TTLL5: variants seen among roughly 807,000 people sequenced by gnomAD.
The protein encoded by TTLL5 is tubulin polyglutamylase TTLL5.
A neutral mutation model predicts 168.4 loss-of-function variants in TTLL5; 132 were observed. The observed-to-expected ratio is 0.78, with a 90% CI of 0.68 to 0.91. TTLL5 has a LOEUF of 0.91. Ranked by LOEUF, TTLL5 falls within the 40% of genes least tolerant of loss-of-function variation. TTLL5 has a pLI of 0.00. For synonymous variants in TTLL5, 546 were observed against 558.6 expected, an observed-to-expected ratio of 0.98 and a Z score of 0.32; for missense variants, 1,545 against 1,581.5, an observed-to-expected ratio of 0.98 and a Z score of 0.39.
At chr14:75,849,564 T>A (rs1369015942) in intron 28 of TTLL5, among the ~76,000 whole-genome samples, 1 of 152,172 alleles carries the variant, frequency 6.6e-6, no homozygotes, top group Non-Finnish European at 1.5e-5. Context: ...ATCTAATAGA[T>A]CAGCAAACCA....
chr14:75,872,155 C>T (rs2031088652), intron 29 of TTLL5, among the ~76,000 whole-genome samples: 1 of 152,222 alleles, frequency 6.6e-6, no homozygotes, highest in African/African-American at 2.4e-5. Context: ...TATACATACT[C>T]ACACTTTCAC....
Position 75,897,685 on chromosome 14 carries a change from A to C in TTLL5, c.3741-4457A>C, listed in dbSNP as rs1001027509. Among the ~76,000 whole-genome samples the C allele has an allele frequency of 3.3e-5, 5 of 152,076 alleles. 1 individual carries two copies. Among genetic ancestry groups the C allele is most frequent in the African/African-American group, 1.2e-4 (5 of 41,408 alleles). ...GAGATGGGGTTTCACCATGTTGGCC[A>C]GGCTGGTCTCAAACTCCTGACTTCA... On this transcript the variant is annotated intron_variant, in intron 30 of 31. Coordinates refer to ENST00000298832, the MANE Select transcript of TTLL5 (RefSeq NM_015072.5).
chr14:75,804,320 A>G (rs1038967190), intron 27 of TTLL5, among the ~76,000 whole-genome samples: 1 of 152,254 alleles, frequency 6.6e-6, no homozygotes, highest in African/African-American at 2.4e-5. Context: ...CTCTCTCTAT[A>G]CAAAGGAATT....
intron 23 of TTLL5, among the ~76,000 whole-genome samples, chr14:75,777,392 C>T (rs1686152987): frequency 6.6e-6 from 1 of 152,118 alleles, no homozygotes; most frequent in South Asian, 2.1e-4. Flanking sequence ...GCAATTTCTC[C>T]ACTCTGTGAG....
intron 18 of TTLL5, 44 bp downstream of exon 18, chr14:75,752,999 T>G (rs1890040071): frequency 1.3e-6 from 2 of 1,559,132 alleles, no homozygotes. Flanking sequence ...GATCACAAGA[T>G]TAACAGAAAG....
At chr14:75,889,961 A>T (rs968947483) in intron 30 of TTLL5, among the ~76,000 whole-genome samples, 2 of 152,054 alleles carry the variant, frequency 1.3e-5, no homozygotes, top group Non-Finnish European at 2.9e-5. Context: ...GGAGTCAAAG[A>T]TGTACTCAAA....
chr14:75,941,886 G>T (rs1315447394), intron 31 of TTLL5, among the ~76,000 whole-genome samples: 7 of 128,864 alleles, frequency 5.4e-5, no homozygotes, highest in Non-Finnish European at 1.6e-5. Flanking sequence ...GAAAAGCTAT[G>T]AGTCATAGGA....
intron 30 of TTLL5, among the ~76,000 whole-genome samples, chr14:75,901,776 G>A (rs529702035): frequency 6.6e-6 from 1 of 152,210 alleles, no homozygotes; most frequent in East Asian, 1.9e-4. Flanking sequence ...TATGATTTAG[G>A]TAAGTCAATG....
At chr14:75,880,470 C>A (rs1460582089) in intron 29 of TTLL5, among the ~76,000 whole-genome samples, 1 of 152,200 alleles carries the variant, frequency 6.6e-6, no homozygotes, top group East Asian at 1.9e-4. Flanking sequence ...CTCTACTACT[C>A]ACCCAGGGAA....
At chr14:75,780,029 G>A (rs1189836274) in intron 24 of TTLL5, among the ~76,000 whole-genome samples, 1 of 152,152 alleles carries the variant, frequency 6.6e-6, no homozygotes, top group Non-Finnish European at 1.5e-5. Flanking sequence ...TATAGAGTGG[G>A]CACTACTACA....
intron 29 of TTLL5, among the ~76,000 whole-genome samples, chr14:75,867,757 CCAAAAAAAAAAAAAAAG>C (rs1435267453): frequency 7.2e-6 from 1 of 139,766 alleles, no homozygotes; most frequent in African/African-American, 2.6e-5. Flanking sequence ...GAGACTGTCT[CCAAAAAAAAAAAAAAAG>C]CAAAAAAAAA....
intron 28 of TTLL5, among the ~76,000 whole-genome samples, chr14:75,860,885 G>A (rs1452008934): frequency 6.6e-6 from 1 of 152,126 alleles, no homozygotes; most frequent in Admixed American, 6.5e-5. Context: ...CTTTCCTAAC[G>A]ATGTCATCCT....
At chr14:75,864,852 A>T (rs1378044024) in intron 29 of TTLL5, among the ~76,000 whole-genome samples, 1 of 152,200 alleles carries the variant, frequency 6.6e-6, no homozygotes, top group African/African-American at 2.4e-5. Flanking sequence ...CTCAAAGACT[A>T]AAGCAACATT....
At chr14:75,878,208 A>G (rs1204432671) in intron 29 of TTLL5, among the ~76,000 whole-genome samples, 2 of 152,192 alleles carry the variant, frequency 1.3e-5, no homozygotes, top group South Asian at 2.1e-4. Flanking sequence ...AGTATCAGTT[A>G]AGATTCCGTT....
Position 75,924,611 on chromosome 14 carries a change from G to C in TTLL5, c.3823+22387G>C, listed in dbSNP as rs374015712. On this transcript the variant is annotated intron_variant, in intron 31 of 31. Coordinates refer to ENST00000298832, the MANE Select transcript of TTLL5 (RefSeq NM_015072.5). ...GCACAGGGTTGGGGGTAAGGTCACC[G>C]ATCAACAGGATCCCAAGGCAGAAGA... 1.4e-3 allele frequency among the ~76,000 whole-genome samples: 210 copies of C among 151,998 alleles called. 4 individuals carry two copies. In the South Asian group the frequency reaches 0.027, roughly 19 times the overall value.
intron 3 of TTLL5, among the ~76,000 whole-genome samples, chr14:75,677,225 C>T (rs1884233458): frequency 6.6e-6 from 1 of 152,002 alleles, no homozygotes; most frequent in African/African-American, 2.4e-5. Flanking sequence ...TTAGTGCTTA[C>T]AGCTACTCTA....
In TTLL5 at chr14:75,806,008, CT is replaced by C. The variant is rs556216182; in HGVS notation, c.3171+12911del. ...CCAGTCTCTTCCTGTTCACCCTAGT[CT>C]TTGCTTTGCTCTGAAAGATTCTTTT... On this transcript the variant is annotated intron_variant, in intron 27 of 31. Transcript: ENST00000298832. Among the ~76,000 whole-genome samples, 265 of 151,244 alleles carry C rather than the reference CT, an allele frequency of 1.8e-3. 1 individual carries two copies. The highest frequency in any genetic ancestry group is 3.0e-3 in the Non-Finnish European group (202 of 67,846).
chr14:75,664,404 G>A (rs1037321502), intron 2 of TTLL5, among the ~76,000 whole-genome samples: 2 of 152,146 alleles, frequency 1.3e-5, no homozygotes, highest in Non-Finnish European at 2.9e-5. Context: ...TTGGATATGT[G>A]TGTGCTATGT....
chr14:75,951,965 T>G (rs2034975234), intron 31 of TTLL5, among the ~76,000 whole-genome samples: 1 of 152,206 alleles, frequency 6.6e-6, no homozygotes, highest in Non-Finnish European at 1.5e-5. Flanking sequence ...TAAAATTTCC[T>G]GCTTCAAAGG....
Sources: gnomAD v4.1 joint callset for allele counts (sites outside exome capture counted in the v4.1 genomes callset) on GRCh38, gnomAD v4.1.1 for gene constraint, MANE v1.5 for transcripts, NCBI Gene and HGNC (gene_info 2026-07-23, HGNC 2026-07-21) for gene names.